KIF13B: variants seen among roughly 807,000 people sequenced by gnomAD.
The protein encoded by KIF13B is kinesin family member 13B.
A neutral mutation model predicts 222.0 loss-of-function variants in KIF13B; 127 were observed. That is an observed-to-expected ratio of 0.57 (90% CI 0.50 to 0.66). KIF13B has a LOEUF of 0.66. Among genes scored for constraint, KIF13B ranks in the 30% least tolerant of loss-of-function variants. KIF13B has a pLI of 0.00. For synonymous variants in KIF13B, 976 were observed against 919.0 expected (o/e 1.06, Z -1.12); for missense variants, 2,173 against 2,379.0 (o/e 0.91, Z 1.80).
At chr8:29,132,200 C>T (rs911186714) in intron 23 of KIF13B, 108 bp downstream of exon 23, 18 of 758,788 alleles carry the variant, frequency 2.4e-5, no homozygotes, top group East Asian at 2.3e-4. Context: ...GAGCCAAGAT[C>T]GTGCCACTGC....
At chr8:29,129,789 G>A (rs1810267674) in intron 24 of KIF13B, among the ~76,000 whole-genome samples, 1 of 152,228 alleles carries the variant, frequency 6.6e-6, no homozygotes, top group Non-Finnish European at 1.5e-5. Context: ...ATTCTGGCAT[G>A]TGTATCTACC....
intron 2 of KIF13B, among the ~76,000 whole-genome samples, chr8:29,216,323 G>A (rs549035971): frequency 2.5e-4 from 38 of 152,252 alleles, no homozygotes; most frequent in Non-Finnish European, 4.7e-4. Context: ...TAGGCCGGGC[G>A]CAGTGGCTGA....
At chr8:29,140,668 T>C (rs1243224102) in intron 19 of KIF13B, 51 bp from the exon 20 acceptor site, 2 of 1,528,358 alleles carry the variant, frequency 1.3e-6, no homozygotes, top group Admixed American at 3.6e-5. Flanking sequence ...TTACAATAAA[T>C]GCATTCAACC....
At chr8:29,076,766 G>C (rs1807579390) in intron 37 of KIF13B, among the ~76,000 whole-genome samples, 3 of 152,198 alleles carry the variant, frequency 2.0e-5, no homozygotes, top group Admixed American at 2.0e-4. Flanking sequence ...TTGAGAAAAG[G>C]TGCAGTGGAG....
At position 29,069,292 on chromosome 8, in the gene KIF13B, C is replaced by T. The variant is rs1053826152; in HGVS notation, c.*1212G>A. ...CGGAAGCTTCCGGCTGTCCCGCCCA[C>T]ACCATGCACGGTGGGCCTGGGGGCG... On this transcript the variant is annotated 3_prime_UTR_variant, in exon 40 of 40. Coordinates refer to ENST00000524189, the MANE Select transcript of KIF13B (RefSeq NM_015254.4). The T allele has an allele frequency of 1.3e-5, 2 of 152,300 alleles. No homozygotes were observed. The highest frequency in any genetic ancestry group is 4.8e-5 in the African/African-American group (2 of 41,450). The allele number at this position is 152,300 out of a possible 1,614,324, so 9.4% of individuals were successfully genotyped here. A position where few individuals can be genotyped will look rare whatever the true frequency, so the allele number is the denominator to read the frequency against.
At chr8:29,100,443 C>A (rs1177955579) in intron 35 of KIF13B, among the ~76,000 whole-genome samples, 1 of 151,970 alleles carries the variant, frequency 6.6e-6, no homozygotes, top group East Asian at 1.9e-4. Flanking sequence ...TAGTGCTGCA[C>A]AGATGAATAA....
At chr8:29,104,510 A>G (rs1263265111) in intron 35 of KIF13B, among the ~76,000 whole-genome samples, 1 of 152,148 alleles carries the variant, frequency 6.6e-6, no homozygotes, top group Non-Finnish European at 1.5e-5. Flanking sequence ...ATACATTTGT[A>G]CCATATAGTT....
intron 18 of KIF13B, 39 bp from the exon 19 acceptor site, chr8:29,142,342 G>A: frequency 2.5e-6 from 4 of 1,575,574 alleles, no homozygotes; most frequent in Non-Finnish European, 3.4e-6. Flanking sequence ...AAACACACAG[G>A]CAGCGGGGAA....
intron 2 of KIF13B, among the ~76,000 whole-genome samples, chr8:29,214,375 CTTT>C: frequency 6.6e-6 from 1 of 152,268 alleles, no homozygotes; most frequent in East Asian, 1.9e-4. Flanking sequence ...ATTTTTAGAA[CTTT>C]TTTAAAAAAT....
intron 19 of KIF13B, 64 bp from the exon 20 acceptor site, chr8:29,140,681 C>T: frequency 6.9e-7 from 1 of 1,447,698 alleles, no homozygotes; most frequent in Non-Finnish European, 9.5e-7. Flanking sequence ...ATTCAACCTA[C>T]TGCTTTTTGA....
Position 29,108,147 on chromosome 8 carries a change from T to C in KIF13B, c.4207A>G (p.Ser1403Gly). The C allele has an allele frequency of 1.2e-6, 2 of 1,611,304 alleles. No individual in the cohort carries two copies. The highest frequency in any genetic ancestry group is 1.7e-6 in the Non-Finnish European group (2 of 1,178,608). Residue 1403 changes from serine (S) to glycine (G), a missense_variant, in exon 35 of 40, where the codon AGC becomes GGC. By Grantham distance (56) the Ser-to-Gly change is moderately conservative. Around this residue, in one of 2 missense-constraint regions of KIF13B, gnomAD observed 693 missense variants for 656.2 expected, o/e 1.06. Transcript: ENST00000524189. ...QDLIPSYSLG[S>G]NKGRWESQQD... ...ATAGTTAAAACACCTACCTTGTTGC[T>C]GCCTAGACTGTATGATGGAATGAGA...
At chr8:29,174,218 A>G (rs1812383433) in intron 10 of KIF13B, among the ~76,000 whole-genome samples, 1 of 152,134 alleles carries the variant, frequency 6.6e-6, no homozygotes, top group Non-Finnish European at 1.5e-5. Flanking sequence ...TTAATATCCT[A>G]TATAACTGCA....
intron 2 of KIF13B, among the ~76,000 whole-genome samples, chr8:29,198,727 ATGCATATGT>A (rs1405541518): frequency 6.6e-6 from 1 of 152,244 alleles, no homozygotes; most frequent in East Asian, 1.9e-4. Context: ...AAAAAGACAC[ATGCATATGT>A]ATGTTTATTG....
upstream of KIF13B, chr8:29,263,098 T>A: frequency 6.7e-7 from 1 of 1,497,196 alleles, no homozygotes; most frequent in Non-Finnish European, 9.0e-7. Context: ...CTCTTCGGGG[T>A]TGACCCGGCG....
In KIF13B at chr8:29,072,056, G is replaced by C; in HGVS notation, c.4782C>G (p.Ser1594=). 7.7e-7 allele frequency: 1 copy of C among 1,304,550 alleles called. No homozygotes were observed. The highest frequency in any genetic ancestry group is 4.2e-5 in the Admixed American group (1 of 23,984). The allele number at this position is 1,304,550 out of a possible 1,614,324, so 80.8% of individuals were successfully genotyped here. A position where few individuals can be genotyped will look rare whatever the true frequency, so the allele number is the denominator to read the frequency against. Residue 1594 remains serine (S), a synonymous_variant, in exon 39 of 40, where the codon TCC becomes TCG. Transcript: ENST00000524189. The stretch of plus-strand genomic sequence containing the variant: ...GCTCGGCCTCAGGGGCGGTGGGCAT[G>C]GACCCCGGCGGGGCCGCAGCGTCCA... The part of the protein sequence containing the change: ...PGLDAAAPPG[S]MPTAPEAEPE...
intron 36 of KIF13B, among the ~76,000 whole-genome samples, chr8:29,098,857 T>C (rs755737917): frequency 1.1e-4 from 16 of 152,080 alleles, no homozygotes; most frequent in Non-Finnish European, 2.4e-4. Context: ...ATATTTACTA[T>C]AGAGCACATA....
upstream of KIF13B, chr8:29,263,117 C>A: frequency 8.0e-7 from 1 of 1,255,694 alleles, no homozygotes; most frequent in Non-Finnish European, 1.1e-6. Context: ...CGGGAGGGGG[C>A]CGGGGGCGGA....
At chr8:29,214,301 A>G (rs1420924230) in intron 2 of KIF13B, among the ~76,000 whole-genome samples, 4 of 152,266 alleles carry the variant, frequency 2.6e-5, no homozygotes, top group Admixed American at 6.5e-5. Flanking sequence ...AGGTTAAAAC[A>G]CAAACACTAT....
intron 13 of KIF13B, among the ~76,000 whole-genome samples, chr8:29,156,557 C>A (rs1320474456): frequency 6.6e-6 from 1 of 151,972 alleles, no homozygotes; most frequent in African/African-American, 2.4e-5. Context: ...TTCTGTCACC[C>A]AGGCTGGAGT....
Sources: allele counts gnomAD v4.1 joint callset (sites outside exome capture counted in the v4.1 genomes callset), GRCh38; gene constraint gnomAD v4.1.1; regional missense constraint gnomAD v4.1.1; transcripts MANE v1.5; gene names NCBI Gene and HGNC (gene_info 2026-07-23, HGNC 2026-07-21).